The following HOATZ variants were observed in gnomAD, a reference collection of about 807,000 sequenced individuals.
HOATZ encodes cilia- and flagella-associated protein HOATZ.
HOATZ carries 26 observed loss-of-function variants against 24.9 expected under a neutral mutation model. The ratio of observed to expected loss-of-function variants is 1.04; its 90% CI spans 0.76 to 1.45. The LOEUF (loss-of-function observed/expected upper bound fraction) is 1.45, where lower values mean the gene tolerates loss of function less well. Ranked by LOEUF, HOATZ falls within the 40% of genes most tolerant of loss-of-function variation. The pLI, the probability that HOATZ is intolerant of heterozygous loss-of-function variation, is 0.00. For synonymous variants in HOATZ, 83 were observed against 76.6 expected, an observed-to-expected ratio of 1.08 and a Z score of -0.43; for missense variants, 226 against 201.5, an observed-to-expected ratio of 1.12 and a Z score of -0.74.
At chr11:111,515,679 T>G in intron 2 of HOATZ, 127 bp downstream of exon 2, 2 of 769,050 alleles carry the variant, frequency 2.6e-6, no homozygotes, top group Non-Finnish European at 4.4e-6. Context: ...AAGTCCCTGC[T>G]CAGGGACCAC....
intron 3 of HOATZ, among the ~76,000 whole-genome samples, chr11:111,524,388 T>C (rs941618631): frequency 6.6e-6 from 1 of 152,186 alleles, no homozygotes; most frequent in Non-Finnish European, 1.5e-5. Flanking sequence ...TCAAAAACAT[T>C]ATGCCAAGGT....
At chr11:111,530,657 A>G (rs887070739) in intron 3 of HOATZ, among the ~76,000 whole-genome samples, 1 of 152,202 alleles carries the variant, frequency 6.6e-6, no homozygotes, top group African/African-American at 2.4e-5. Flanking sequence ...TTAATTGAAT[A>G]ATTATAAAGT....
Position 111,515,556 on chromosome 11 carries a change from A to T in HOATZ, c.268+4A>T. 6.2e-7 allele frequency: 1 copy of T among 1,612,092 alleles called. No homozygotes were observed. Among genetic ancestry groups the T allele is most frequent in the Non-Finnish European group, 8.5e-7 (1 of 1,178,196 alleles). On this transcript the variant is annotated splice_donor_region_variant and intron_variant, in intron 2 of 5. Coordinates refer to ENST00000375618, the MANE Select transcript of HOATZ (RefSeq NM_001100388.2). ...TCTTTTCACCTTGCGAGTAACAGTA[A>T]GTACCAAGTTTTATGCCTTTCAACA...
chr11:111,515,910 C>T (rs1867190820), intron 2 of HOATZ, 130 bp from the exon 3 acceptor site: 2 of 618,006 alleles, frequency 3.2e-6, no homozygotes, highest in East Asian at 2.9e-5. Context: ...AGTTCCAATA[C>T]ACCACATGTA....
chr11:111,524,739 T>G, intron 3 of HOATZ: 1 of 366,792 alleles, frequency 2.7e-6, no homozygotes, highest in South Asian at 2.1e-5. Flanking sequence ...GACCTAACTA[T>G]GATTATTTTG....
intron 3 of HOATZ, among the ~76,000 whole-genome samples, chr11:111,519,518 G>A (rs923489750): frequency 6.6e-6 from 1 of 152,068 alleles, no homozygotes; most frequent in African/African-American, 2.4e-5. Flanking sequence ...TGGATATAAT[G>A]GGAGGAAACG....
Position 111,516,105 on chromosome 11 carries a change from CA to C in HOATZ, c.338del (p.Lys113ArgfsTer12). On this transcript the variant is annotated frameshift_variant, in exon 3 of 6. Transcript: ENST00000375618. LOFTEE classifies it high-confidence loss of function. ...QESEEKVKYL[Q>X]KAKTREEILQ... ...ATCTGAGGAGAAAGTAAAGTATCTCCAAAAGGTAGGCCAATATTTCAGAAGG... is the reference window on the plus strand; with the variant it reads ...ATCTGAGGAGAAAGTAAAGTATCTCCAAAGGTAGGCCAATATTTCAGAAGG... 2.5e-6 allele frequency: 4 copies of C among 1,579,344 alleles called. No individual in the cohort carries two copies. The South Asian group carries it at 4.7e-5, about 18-fold the overall frequency.
intron 3 of HOATZ, among the ~76,000 whole-genome samples, chr11:111,523,204 ACT>A (rs1867290477): frequency 8.6e-6 from 1 of 116,098 alleles, no homozygotes; most frequent in Non-Finnish European, 1.8e-5. Flanking sequence ...CTAAGTGTTC[ACT>A]TTTTTTTTTT....
chr11:111,519,717 C>T (rs1867248144), intron 3 of HOATZ, among the ~76,000 whole-genome samples: 1 of 152,154 alleles, frequency 6.6e-6, no homozygotes, highest in Non-Finnish European at 1.5e-5. Context: ...AGAGAATCTT[C>T]TACATGTTTT....
intron 2 of HOATZ, 80 bp from the exon 3 acceptor site, chr11:111,515,960 C>T (rs1230853814): frequency 4.2e-6 from 4 of 947,794 alleles, no homozygotes; most frequent in Admixed American, 4.4e-5. Context: ...CCCTTTCAAC[C>T]CATGTCCAAT....
Position 111,536,966 on chromosome 11 carries a change from A to C in HOATZ, c.*139A>C. 1 of 665,698 alleles carries C rather than the reference A, an allele frequency of 1.5e-6. No homozygotes were observed. The highest frequency in any genetic ancestry group is 2.6e-6 in the Non-Finnish European group (1 of 379,150). The allele number at this position is 665,698 out of a possible 1,614,324, so 41.2% of individuals were successfully genotyped here. A position where few individuals can be genotyped will look rare whatever the true frequency, so the allele number is the denominator to read the frequency against. ...CAAGTTAAATACGCAGACTTCCAGGAATTTTACCAGTTAGTGAGTACTTGT... is the reference window on the plus strand; with the variant it reads ...CAAGTTAAATACGCAGACTTCCAGGCATTTTACCAGTTAGTGAGTACTTGT... On this transcript the variant is annotated 3_prime_UTR_variant, in exon 6 of 6. Coordinates refer to ENST00000375618, the MANE Select transcript of HOATZ (RefSeq NM_001100388.2).
At chr11:111,530,607 G>A (rs1249473360) in intron 3 of HOATZ, among the ~76,000 whole-genome samples, 1 of 152,064 alleles carries the variant, frequency 6.6e-6, no homozygotes, top group Admixed American at 6.5e-5. Flanking sequence ...AATGGTCAAA[G>A]ATGTTATAAA....
intron 3 of HOATZ, chr11:111,524,989 CT>C (rs1867319658): frequency 2.6e-6 from 1 of 387,272 alleles, no homozygotes; most frequent in Non-Finnish European, 5.0e-6. Context: ...CAGCCTCAGC[CT>C]CCAAAGTTTC....
At chr11:111,518,130 T>C (rs1867228640) in intron 3 of HOATZ, among the ~76,000 whole-genome samples, 1 of 152,208 alleles carries the variant, frequency 6.6e-6, no homozygotes, top group South Asian at 2.1e-4. Context: ...TACCTAAACA[T>C]GCATAGTATC....
At chr11:111,516,431 A>G (rs1220380150) in intron 3 of HOATZ, among the ~76,000 whole-genome samples, 2 of 152,142 alleles carry the variant, frequency 1.3e-5, no homozygotes, top group African/African-American at 4.8e-5. Context: ...ATAAGAGGCC[A>G]GGTGCAGTAG....
intron 3 of HOATZ, among the ~76,000 whole-genome samples, chr11:111,529,670 A>AT (rs1471251130): frequency 6.6e-6 from 1 of 152,086 alleles, no homozygotes; most frequent in East Asian, 1.9e-4. Flanking sequence ...CCCTCGTGTT[A>AT]TTTTTGATGA....
chr11:111,533,802 C>T lies in HOATZ; in HGVS notation c.396C>T (p.Ile132=). 1 of 1,568,058 alleles carries T rather than the reference C, an allele frequency of 6.4e-7. No individual in the cohort carries two copies. The highest frequency in any genetic ancestry group is 8.6e-7 in the Non-Finnish European group (1 of 1,165,452). ...TAAGAAAACAAAGAGAAGAAAGGAT[C>T]TCGGTGAGACCAATAGTGAGGCATT... ...QLLRKQREER[I]SKELISLPYK... Residue 132 remains isoleucine, a synonymous_variant, in exon 4 of 6, where the codon ATC becomes ATT. Coordinates refer to ENST00000375618, the MANE Select transcript of HOATZ (RefSeq NM_001100388.2).
chr11:111,531,301 ATCAAT>A (rs10569744), intron 3 of HOATZ, among the ~76,000 whole-genome samples: 147,663 of 152,018 alleles, frequency 0.97, 71,862 homozygotes, highest in Middle Eastern at 1. Flanking sequence ...TCATGACTCA[ATCAAT>A]TCAATTCAAT....
Position 111,536,480 on chromosome 11 carries a change from A to G in HOATZ, c.453-290A>G, listed in dbSNP as rs1867451787. The G allele has an allele frequency of 2.0e-5, 5 of 256,184 alleles. No homozygotes were observed. In the South Asian group the frequency reaches 4.6e-4, roughly 24 times the overall value. The allele number at this position is 256,184 out of a possible 1,614,324, so 15.9% of individuals were successfully genotyped here. A position where few individuals can be genotyped will look rare whatever the true frequency, so the allele number is the denominator to read the frequency against. ...AAAAGAAGTCTGAATAAATAAAATA[A>G]TGGGTAAACCAAAGAAATCAATTAC... On this transcript the variant is annotated intron_variant, in intron 5 of 5. Transcript: ENST00000375618.
Sources: gnomAD v4.1 joint callset for allele counts (sites outside exome capture counted in the v4.1 genomes callset) on GRCh38, gnomAD v4.1.1 for gene constraint, MANE v1.5 for transcripts, NCBI Gene and HGNC (gene_info 2026-07-23, HGNC 2026-07-21) for gene names.